The following KIRREL3 variants were observed in gnomAD, a reference collection of about 807,000 sequenced individuals.
KIRREL3 encodes the protein kin of IRRE-like protein 3.
In KIRREL3, 36 loss-of-function variants were observed where a neutral mutation model predicts 89.7. That is an observed-to-expected ratio of 0.40 (90% confidence interval 0.31 to 0.53). The LOEUF is 0.53. Among genes scored for constraint, KIRREL3 ranks in the 20% least tolerant of loss-of-function variants. KIRREL3 has a pLI of 0.49. For synonymous variants in KIRREL3, 445 were observed against 441.4 expected (o/e 1.01, Z -0.10); for missense variants, 864 against 1,056.6 (o/e 0.82, Z 2.53).
chr11:126,768,166 ATCCAATCCATCCATCCATCC>A lies in KIRREL3; in HGVS notation c.56-205274_56-205255del, dbSNP rs1397622338. ...CATCCATCCATCCATCCATCCATCC[ATCCAATCCATCCATCCATCC>A]ATCCATCCATCCATCCATCCATCCA... On this transcript the variant is annotated intron_variant, in intron 1 of 16. Transcript: ENST00000525144. The surrounding 1 kb of genome is among the most constrained non-coding windows in gnomAD (Gnocchi z 4.5). Among the ~76,000 whole-genome samples, 18 of 128,210 alleles carry A rather than the reference ATCCAATCCATCCATCCATCC, an allele frequency of 1.4e-4. No homozygotes were observed. Among genetic ancestry groups the A allele is most frequent in the African/African-American group, 2.7e-4 (8 of 29,756 alleles). 84.1% of individuals were successfully genotyped at this position (128,210 alleles called of 152,430 possible). A position where few individuals can be genotyped will look rare whatever the true frequency, so the allele number is the denominator to read the frequency against.
Position 126,513,063 on chromosome 11 carries a change from G to C in KIRREL3, c.433+8252C>G, listed in dbSNP as rs547206335. ...GGTCTGGAGAGTTTCCAATGCCCTG[G>C]GGATGGTGGTGACACACTCCAGAAC... On this transcript the variant is annotated intron_variant, in intron 4 of 16. Transcript: ENST00000525144. The surrounding 1 kb of genome is among the most constrained non-coding windows in gnomAD (Gnocchi z 5.9). Among the ~76,000 whole-genome samples the C allele has an allele frequency of 1.3e-5, 2 of 152,210 alleles. No individual in the cohort carries two copies. The highest frequency in any genetic ancestry group is 4.2e-4 in the South Asian group (2 of 4,816).
chr11:126,543,924 GT>G (rs1938574452), intron 2 of KIRREL3: 1 of 152,290 alleles, frequency 6.6e-6, no homozygotes, highest in South Asian at 2.1e-4. Flanking sequence ...TGCCACCGTG[GT>G]GCTGAGCCAC....
rs1174804852 is a variant in KIRREL3, at chr11:126,768,847, CAT to C, written c.56-205937_56-205936del. Among the ~76,000 whole-genome samples the C allele has an allele frequency of 1.3e-5, 2 of 152,170 alleles. No individual in the cohort carries two copies. The highest frequency in any genetic ancestry group is 2.9e-5 in the Non-Finnish European group (2 of 68,032). On this transcript the variant is annotated intron_variant, in intron 1 of 16. Coordinates refer to ENST00000525144, the MANE Select transcript of KIRREL3 (RefSeq NM_032531.4). This position sits in a 1 kb window ranked among gnomAD's most constrained non-coding sequence, Gnocchi z 4.5. ...GTCTGAGCAGTCGGCGGAGACCAGA[CAT>C]AGAGCTCCATGGAGCACGAGAGCCA... is the stretch of plus-strand genomic sequence containing the variant.
Position 126,566,852 on chromosome 11 carries a change from CTG to C in KIRREL3, c.56-3942_56-3941del, listed in dbSNP as rs1314260859. ...CTTTAGATGCTCACAGTAAGTAGCT[CTG>C]TGACACAGGCAAGTCAGAAATTATC... On this transcript the variant is annotated intron_variant, in intron 1 of 16. Transcript: ENST00000525144. The surrounding 1 kb of genome is among the most constrained non-coding windows in gnomAD (Gnocchi z 4.9). Among the ~76,000 whole-genome samples, 3 of 152,162 alleles carry C rather than the reference CTG, an allele frequency of 2.0e-5. No homozygotes were observed.
intron 1 of KIRREL3, among the ~76,000 whole-genome samples, chr11:126,753,336 C>A (rs1440575700): frequency 6.6e-6 from 1 of 152,200 alleles, no homozygotes; most frequent in South Asian, 2.1e-4. Flanking sequence ...CTTCCAGAAC[C>A]AGACAGGAGG....
chr11:127,000,274 CAG>C lies in KIRREL3; in HGVS notation c.55+179_55+180del, dbSNP rs1429908327. 1.3e-5 allele frequency among the ~76,000 whole-genome samples: 2 copies of C among 152,164 alleles called. No homozygotes were observed. Among genetic ancestry groups the C allele is most frequent in the Admixed American group, 1.3e-4 (2 of 15,282 alleles). ...CCCCTTCTTTCCAAAGGAAAATAAA[CAG>C]TACCATTTTGTTGCATTCGCAAAGG... On this transcript the variant is annotated intron_variant, in intron 1 of 16. Transcript: ENST00000525144. This position sits in a 1 kb window ranked among gnomAD's most constrained non-coding sequence, Gnocchi z 7.1.
intron 1 of KIRREL3, among the ~76,000 whole-genome samples, chr11:126,584,450 T>G (rs1160528877): frequency 6.6e-6 from 1 of 152,158 alleles, no homozygotes; most frequent in Non-Finnish European, 1.5e-5. Flanking sequence ...GATGGGCCCC[T>G]TTCTTCCCCA....
Position 126,607,922 on chromosome 11 carries a change from TC to T in KIRREL3, c.56-45011del, listed in dbSNP as rs1033968300. 5.3e-5 allele frequency among the ~76,000 whole-genome samples: 8 copies of T among 152,130 alleles called. No individual in the cohort carries two copies. The highest frequency in any genetic ancestry group is 1.9e-4 in the African/African-American group (8 of 41,416). On this transcript the variant is annotated intron_variant, in intron 1 of 16. Transcript: ENST00000525144. The surrounding 1 kb of genome is among the most constrained non-coding windows in gnomAD (Gnocchi z 6.6). ...CAGCTGCAAGTCTGGGGAAAAGGGA[TC>T]CACCCAGGCACTAGGGCAACTGCTC...
intron 1 of KIRREL3, among the ~76,000 whole-genome samples, chr11:126,895,291 C>T (rs928096477): frequency 1.3e-5 from 2 of 151,562 alleles, no homozygotes; most frequent in Admixed American, 6.6e-5. Flanking sequence ...GGTGAAACCC[C>T]GTCTCTACTA....
At chr11:126,657,279 A>T (rs1201012827) in intron 1 of KIRREL3, among the ~76,000 whole-genome samples, 11 of 151,242 alleles carry the variant, frequency 7.3e-5, no homozygotes, top group Non-Finnish European at 1.5e-4. Context: ...TAAATAAATA[A>T]ATCTTCATGG....
At position 126,962,916 on chromosome 11, in the gene KIRREL3, T is replaced by A. The variant is rs1249598497; in HGVS notation, c.55+37539A>T. Among the ~76,000 whole-genome samples the A allele has an allele frequency of 3.3e-5, 5 of 152,312 alleles. 1 individual carries two copies. In the South Asian group the frequency reaches 1.0e-3, roughly 32 times the overall value. ...TAAAGGCTCAGATGATTGTTAGCAC[T>A]TTTTAGCAATAAAGATTTTGTAAAT... On this transcript the variant is annotated intron_variant, in intron 1 of 16. Transcript: ENST00000525144.
rs941521699 is a variant in KIRREL3, at chr11:126,755,586, G to T, written c.56-192674C>A. ...AAGAAAAAACAGAAAAAAACAATAGGCCTACAATAGGAAAGGTCTGCGTGC... is the reference window on the plus strand; with the variant it reads ...AAGAAAAAACAGAAAAAAACAATAGTCCTACAATAGGAAAGGTCTGCGTGC... On this transcript the variant is annotated intron_variant, in intron 1 of 16. Transcript: ENST00000525144. The surrounding 1 kb of genome is among the most constrained non-coding windows in gnomAD (Gnocchi z 4.3). Among the ~76,000 whole-genome samples, 8 of 151,968 alleles carry T rather than the reference G, an allele frequency of 5.3e-5. No individual in the cohort carries two copies. Among genetic ancestry groups the T allele is most frequent in the Non-Finnish European group, 7.4e-5 (5 of 68,006 alleles).
At chr11:126,543,730 G>C (rs1416692673) in intron 2 of KIRREL3, among the ~76,000 whole-genome samples, 1 of 152,216 alleles carries the variant, frequency 6.6e-6, no homozygotes, top group Non-Finnish European at 1.5e-5. Flanking sequence ...GCTGAGATCA[G>C]CTCTGTCACC....
intron 1 of KIRREL3, among the ~76,000 whole-genome samples, chr11:126,673,150 G>A (rs187564589): frequency 1.6e-4 from 25 of 152,298 alleles, no homozygotes; most frequent in East Asian, 1.9e-4. Context: ...GTTGTATTCC[G>A]CGAATGCAGA....
At position 126,436,894 on chromosome 11, in the gene KIRREL3, C is replaced by T. The variant is rs771467000; in HGVS notation, c.1469G>A (p.Arg490Gln). 2.3e-5 allele frequency: 37 copies of T among 1,613,470 alleles called. No homozygotes were observed. The highest frequency in any genetic ancestry group is 3.3e-5 in the South Asian group (3 of 91,062). Residue 490 changes from arginine to glutamine, a missense_variant, in exon 12 of 17, where the codon CGG becomes CAG. Arg to Gln is a conservative substitution (Grantham distance 43). Transcript: ENST00000525144. ...GTTGTAGATGGTCTGGAAGTCGGCC[C>T]GCACGATGTTGCTGATGGTCAGGGT... Reference protein sequence around the residue: ...ISTLTISNIVRADFQTIYNCT... With the variant: ...ISTLTISNIVQADFQTIYNCT...
At chr11:126,680,292 T>C (rs1198293387) in intron 1 of KIRREL3, among the ~76,000 whole-genome samples, 1 of 151,922 alleles carries the variant, frequency 6.6e-6, no homozygotes, top group Non-Finnish European at 1.5e-5. Context: ...AGGCAAAAAA[T>C]AGGCTGCTTT....
chr11:126,915,910 G>A (rs971962886), intron 1 of KIRREL3, among the ~76,000 whole-genome samples: 12 of 151,994 alleles, frequency 7.9e-5, no homozygotes, highest in African/African-American at 1.2e-4. Context: ...CTTCACAAAG[G>A]TTCCAGTCTG....
rs564763806 is a variant in KIRREL3 at position 126,677,166 on chromosome 11, A to T, written c.56-114254T>A. ...ATTTGCACAACCACCACCACAGTCC[A>T]TTTAGAACCTTTTAAAATCACCCCA... On this transcript the variant is annotated intron_variant, in intron 1 of 16. Coordinates refer to ENST00000525144, the MANE Select transcript of KIRREL3 (RefSeq NM_032531.4). This position sits in a 1 kb window ranked among gnomAD's most constrained non-coding sequence, Gnocchi z 5.1. Among the ~76,000 whole-genome samples the T allele has an allele frequency of 6.6e-6, 1 of 152,074 alleles. No homozygotes were observed. Among genetic ancestry groups the T allele is most frequent in the Non-Finnish European group, 1.5e-5 (1 of 67,994 alleles).
intron 1 of KIRREL3, among the ~76,000 whole-genome samples, chr11:126,581,442 T>C (rs990987889): frequency 2.6e-5 from 4 of 152,176 alleles, no homozygotes; most frequent in African/African-American, 7.2e-5. Context: ...CCTCAGGTGA[T>C]CTGCCCTCCT....
Sources: allele counts gnomAD v4.1 joint callset (sites outside exome capture counted in the v4.1 genomes callset), GRCh38; gene constraint gnomAD v4.1.1; non-coding constraint Gnocchi (gnomAD v3.1); transcripts MANE v1.5; gene names NCBI Gene and HGNC (gene_info 2026-07-23, HGNC 2026-07-21).